Variants in UMAD1 observed in about 807,000 individuals in gnomAD.
UMAD1 encodes the protein UBAP1-MVB12-associated (UMA)-domain containing protein 1.
Under a neutral mutation model 6.1 loss-of-function variants are expected in UMAD1, and 8 were observed. That is an observed-to-expected ratio of 1.30 (90% confidence interval 0.76 to 2.35). The LOEUF (loss-of-function observed/expected upper bound fraction) is 2.35, where lower values mean the gene tolerates loss of function less well. Among genes scored for constraint, UMAD1 ranks in the 30% most tolerant of loss-of-function variants. UMAD1 has a pLI of 0.00. For missense variants in UMAD1, 130 were observed against 78.4 expected, an observed-to-expected ratio of 1.66 and a Z score of -2.49; for synonymous variants, 56 against 31.4, an observed-to-expected ratio of 1.78 and a Z score of -2.61.
chr7:7,696,333 C>A (rs1780316687), intron 2 of UMAD1, among the ~76,000 whole-genome samples: 1 of 150,898 alleles, frequency 6.6e-6, no homozygotes, highest in Non-Finnish European at 1.5e-5. Context: ...CAAATGTGGT[C>A]TGATGGTGAA....
intron 2 of UMAD1, among the ~76,000 whole-genome samples, chr7:7,798,559 A>C (rs1330040207): frequency 6.6e-6 from 1 of 152,224 alleles, no homozygotes; most frequent in Non-Finnish European, 1.5e-5. Context: ...TGGGGCCTAT[A>C]GAAGCAAAAA....
intron 3 of UMAD1, among the ~76,000 whole-genome samples, chr7:7,834,016 CTTTTTTTTTTTTT>C (rs4034895): frequency 9.1e-6 from 1 of 110,450 alleles, no homozygotes; most frequent in African/African-American, 3.4e-5. Context: ...TTTTTCTTTT[CTTTTTTTTTTTTT>C]TTTTTTTTTT....
At chr7:7,800,555 C>T (rs1782779234) in intron 2 of UMAD1, among the ~76,000 whole-genome samples, 1 of 152,134 alleles carries the variant, frequency 6.6e-6, no homozygotes, top group South Asian at 2.1e-4. Context: ...GCGGTGTACA[C>T]TATACCCAAA....
chr7:7,646,425 G>A (rs1785094302), intron 1 of UMAD1, among the ~76,000 whole-genome samples: 1 of 150,812 alleles, frequency 6.6e-6, no homozygotes, highest in African/African-American at 2.4e-5. Context: ...TCTCGTGGTA[G>A]TGAATAAGTC....
Position 7,689,681 on chromosome 7 carries a change from G to A in UMAD1, c.82+16228G>A. On this transcript the variant is annotated intron_variant, in intron 2 of 3. Transcript: ENST00000682710. The stretch of plus-strand genomic sequence containing the variant: ...AAGCTCTTCAGTCTGTGTCTATATA[G>A]AAGACATTTATATTTATGTCTTTCT... Among the ~76,000 whole-genome samples the A allele has an allele frequency of 1.3e-5, 2 of 152,090 alleles. 1 individual carries two copies. Among genetic ancestry groups the A allele is most frequent in the South Asian group, 4.1e-4 (2 of 4,822 alleles).
chr7:7,851,154 A>C (rs572120677), intron 3 of UMAD1, among the ~76,000 whole-genome samples: 1 of 152,290 alleles, frequency 6.6e-6, no homozygotes, highest in South Asian at 2.1e-4. Flanking sequence ...GAATAATATA[A>C]TATGTGGTCT....
At chr7:7,866,347 G>A (rs968922981) in intron 3 of UMAD1, among the ~76,000 whole-genome samples, 1 of 152,160 alleles carries the variant, frequency 6.6e-6, no homozygotes, top group African/African-American at 2.4e-5. Flanking sequence ...AATTCTAGTC[G>A]AGTGTGATGT....
At chr7:7,859,070 T>A (rs77787962) in intron 3 of UMAD1, among the ~76,000 whole-genome samples, 5,358 of 152,278 alleles carry the variant, frequency 0.035, 193 homozygotes, top group South Asian at 0.16. Context: ...GTTCAGCTCC[T>A]CCAAACTAAA....
intron 2 of UMAD1, chr7:7,742,042 G>T (rs1041011266): frequency 1.1e-5 from 6 of 523,344 alleles, no homozygotes; most frequent in African/African-American, 1.1e-4. Context: ...CAGTTCCATT[G>T]TACAGCACAG....
At chr7:7,838,221 T>G (rs1334558456) in intron 3 of UMAD1, among the ~76,000 whole-genome samples, 1 of 152,176 alleles carries the variant, frequency 6.6e-6, no homozygotes, top group East Asian at 1.9e-4. Context: ...TGTGTATTCC[T>G]CTTTGCACCA....
intron 2 of UMAD1, among the ~76,000 whole-genome samples, chr7:7,766,132 G>A (rs1442331685): frequency 6.6e-6 from 1 of 152,166 alleles, no homozygotes; most frequent in Non-Finnish European, 1.5e-5. Context: ...CAGTGATTGT[G>A]CTAACACATA....
intron 3 of UMAD1, among the ~76,000 whole-genome samples, chr7:7,867,833 A>G (rs1563272965): frequency 6.6e-6 from 1 of 152,212 alleles, no homozygotes; most frequent in South Asian, 2.1e-4. Context: ...AAGATTAGCA[A>G]TTAGGAGACT....
At chr7:7,651,043 T>C (rs1034261218) in intron 1 of UMAD1, among the ~76,000 whole-genome samples, 1 of 152,204 alleles carries the variant, frequency 6.6e-6, no homozygotes. Context: ...AACCCCTCTG[T>C]AGCCAAAGAG....
At chr7:7,835,804 G>T (rs1163652303) in intron 3 of UMAD1, among the ~76,000 whole-genome samples, 1 of 151,808 alleles carries the variant, frequency 6.6e-6, no homozygotes, top group Non-Finnish European at 1.5e-5. Flanking sequence ...TTTCCATTTA[G>T]TTTGTAGTCT....
At chr7:7,867,395 A>G (rs548011042) in intron 3 of UMAD1, among the ~76,000 whole-genome samples, 8 of 152,184 alleles carry the variant, frequency 5.3e-5, no homozygotes, top group Non-Finnish European at 1.0e-4. Flanking sequence ...GAGATTAGGA[A>G]GAGTAAAGGA....
intron 3 of UMAD1, among the ~76,000 whole-genome samples, chr7:7,865,258 G>C (rs1011539843): frequency 6.6e-6 from 1 of 152,216 alleles, no homozygotes; most frequent in Non-Finnish European, 1.5e-5. Flanking sequence ...GCAGCCTTGT[G>C]AGACTGATCC....
intron 2 of UMAD1, chr7:7,742,059 G>C: frequency 1.8e-6 from 1 of 552,030 alleles, no homozygotes; most frequent in Non-Finnish European, 3.5e-6. Flanking sequence ...ACAGGGCTTG[G>C]TACATCATAG....
intron 1 of UMAD1, among the ~76,000 whole-genome samples, chr7:7,654,250 T>A (rs1563087630): frequency 6.6e-6 from 1 of 152,162 alleles, no homozygotes; most frequent in Non-Finnish European, 1.5e-5. Flanking sequence ...TACAAAGTAA[T>A]GGAGGAGAGT....
intron 3 of UMAD1, among the ~76,000 whole-genome samples, chr7:7,855,975 G>T (rs1784009286): frequency 6.6e-6 from 1 of 152,126 alleles, no homozygotes; most frequent in South Asian, 2.1e-4. Context: ...CTTTACTCCA[G>T]TTCCCATCAA....
Sources: gnomAD v4.1 joint callset for allele counts (sites outside exome capture counted in the v4.1 genomes callset) on GRCh38, gnomAD v4.1.1 for gene constraint, MANE v1.5 for transcripts, NCBI Gene and HGNC (gene_info 2026-07-23, HGNC 2026-07-21) for gene names.